Variants in ABCA7 observed in about 807,000 individuals in gnomAD.
ABCA7 encodes the protein ATP binding cassette subfamily A member 7.
A neutral mutation model predicts 227.6 loss-of-function variants in ABCA7; 261 were observed. The ratio of observed to expected loss-of-function variants is 1.15; its 90% CI spans 1.04 to 1.27. ABCA7 has a LOEUF of 1.27. Ranked by LOEUF, ABCA7 falls within the 50% of genes most tolerant of loss-of-function variation. The probability of loss-of-function intolerance (pLI) is 0.00; values close to 1 mark genes in which losing one functional copy is unlikely to be tolerated. For missense variants in ABCA7, 3,331 were observed against 2,924.5 expected (o/e 1.14, Z -3.21); for synonymous variants, 1,488 against 1,279.7 (o/e 1.16, Z -3.47).
intron 40 of ABCA7, among the ~76,000 whole-genome samples, chr19:1,061,076 C>T (rs561581862): frequency 2.7e-4 from 41 of 152,218 alleles, no homozygotes; most frequent in Non-Finnish European, 4.9e-4. Context: ...GCCCCACCCA[C>T]GGCCTTCCAT....
At chr19:1,060,650 G>C (rs947106575) in intron 40 of ABCA7, among the ~76,000 whole-genome samples, 1 of 151,796 alleles carries the variant, frequency 6.6e-6, no homozygotes, top group Non-Finnish European at 1.5e-5. Context: ...CTCCTGAGTA[G>C]CTGGGATTAC....
In ABCA7 at chr19:1,047,019, C is replaced by G. The variant is rs757247645; in HGVS notation, c.1840C>G (p.Leu614Val). Residue 614 changes from leucine (L) to valine (V), a missense_variant, in exon 14 of 47, where the codon CTC becomes GTC. Transcript: ENST00000263094. ...LLSAALLVLV[L>V]KLGDILPYSH... is the part of the protein sequence containing the mutation. Reference sequence around the variant, plus strand: ...CAGCGCCGCACTGCTGGTTCTGGTGCTCAAGGTGGGCGCGCCTCGGCCTGC... The same window carrying G: ...CAGCGCCGCACTGCTGGTTCTGGTGGTCAAGGTGGGCGCGCCTCGGCCTGC... 3.8e-6 allele frequency: 6 copies of G among 1,566,452 alleles called. No homozygotes were observed. In the Admixed American group the frequency reaches 7.6e-5, roughly 20 times the overall value.
In ABCA7 at chr19:1,057,107, T is replaced by G. The variant is rs771872392; in HGVS notation, c.4764+23T>G. ...ATGGTGCGGGGGCTGCTTGGACGGGTGGGGGCCCAGCCACTGCTTGCCACT... is the reference window on the plus strand; with the variant it reads ...ATGGTGCGGGGGCTGCTTGGACGGGGGGGGGCCCAGCCACTGCTTGCCACT... On this transcript the variant is annotated intron_variant, in intron 34 of 46. Transcript: ENST00000263094. 3.1e-6 allele frequency: 5 copies of G among 1,601,578 alleles called. No individual in the cohort carries two copies. In the African/African-American group the frequency reaches 4.0e-5, roughly 13 times the overall value.
intron 21 of ABCA7, 93 bp downstream of exon 21, chr19:1,051,679 T>G: frequency 7.7e-7 from 1 of 1,294,548 alleles, no homozygotes; most frequent in Non-Finnish European, 1.1e-6. Context: ...AGGAGTTTGC[T>G]ACATGTGGAC....
chr19:1,051,035 C>T lies in ABCA7; in HGVS notation c.2667C>T (p.Tyr889=). The change falls in exon 19 of 47, where the codon TAC becomes TAT. Residue 889 remains tyrosine (Y), a synonymous_variant. Transcript: ENST00000263094. ...IRPHLGVCPQ[Y]NVLFDMLTVD... is the part of the protein sequence containing the mutation. The stretch of plus-strand genomic sequence containing the variant: ...CCCACCTGGGCGTCTGTCCTCAGTA[C>T]AACGTGCTGTTTGACATGTGCGTCT... The T allele has an allele frequency of 2.5e-6, 4 of 1,611,664 alleles. No individual in the cohort carries two copies. The highest frequency in any genetic ancestry group is 3.4e-6 in the Non-Finnish European group (4 of 1,179,246).
Position 1,056,943 on chromosome 19 carries a change from T to C in ABCA7, c.4623T>C (p.Cys1541=). ...CGGTGGACGTCCTCGTCTCCATCTG[T>C]GTGGTCTTTGCCATGTCCTTTGTCC... ...ASSVDVLVSI[C]VVFAMSFVPA... The change falls in exon 34 of 47, where the codon TGT becomes TGC. Residue 1541 remains cysteine, a synonymous_variant. Transcript: ENST00000263094. The surrounding 1 kb of genome is among the most constrained non-coding windows in gnomAD (Gnocchi z 4.3). 1.2e-6 allele frequency: 2 copies of C among 1,614,040 alleles called. No individual in the cohort carries two copies. The highest frequency in any genetic ancestry group is 1.1e-5 in the South Asian group (1 of 91,090).
chr19:1,047,201 G>A lies in ABCA7; in HGVS notation c.1890G>A (p.Leu630=). The change falls in exon 15 of 47, where the codon CTG becomes CTA. Residue 630 remains leucine (L), a synonymous_variant. Coordinates refer to ENST00000263094, the MANE Select transcript of ABCA7 (RefSeq NM_019112.4). ...LPYSHPGVVF[L]FLAAFAVATV... ...ACAGCCACCCGGGCGTGGTCTTCCTGTTCTTGGCAGCCTTCGCGGTGGCCA... is the reference window on the plus strand; with the variant it reads ...ACAGCCACCCGGGCGTGGTCTTCCTATTCTTGGCAGCCTTCGCGGTGGCCA... The A allele has an allele frequency of 6.2e-7, 1 of 1,609,404 alleles. No homozygotes were observed. Among genetic ancestry groups the A allele is most frequent in the Non-Finnish European group, 8.5e-7 (1 of 1,179,558 alleles).
chr19:1,046,276 T>G lies in ABCA7; in HGVS notation c.1492T>G (p.Tyr498Asp), dbSNP rs759666661. Residue 498 changes from tyrosine to aspartate, a missense_variant, in exon 13 of 47, where the codon TAC (tyrosine) becomes GAC (aspartate). Physicochemically the swap from Tyr to Asp is radical, Grantham distance 160. Transcript: ENST00000263094. ...PAADPLTDLR[Y>D]VWGGFVYLQD... is the part of the protein sequence containing the mutation. ...CGCGGACCCCCTGACCGACCTGCGC[T>G]ACGTGTGGGGCGGCTTCGTGTACCT... The G allele has an allele frequency of 6.2e-7, 1 of 1,606,912 alleles. No homozygotes were observed. Among genetic ancestry groups the G allele is most frequent in the South Asian group, 1.1e-5 (1 of 91,072 alleles).
intron 40 of ABCA7, among the ~76,000 whole-genome samples, chr19:1,061,361 C>T (rs529686436): frequency 4.8e-4 from 65 of 135,084 alleles, no homozygotes; most frequent in Middle Eastern, 3.9e-3. Flanking sequence ...CGTGCCATTG[C>T]GCCGGGGTGA....
rs1453318687 is a variant in ABCA7, at chr19:1,065,318, G to A, written c.6334G>A (p.Glu2112Lys). 20 of 1,613,638 alleles carry A rather than the reference G, an allele frequency of 1.2e-5. No individual in the cohort carries two copies. The highest frequency in any genetic ancestry group is 1.1e-4 in the East Asian group (5 of 44,880). Reference sequence around the variant, plus strand: ...CCAGGGGAAGGACGAGGACACCGAAGAGCAGAAGGAGGCAGGAGTGGGAGT... The same window carrying A: ...CCAGGGGAAGGACGAGGACACCGAAAAGCAGAAGGAGGCAGGAGTGGGAGT... ...KDQGKDEDTE[E>K]QKEAGVGVDP... Residue 2112 changes from glutamate (E) to lysine (K), a missense_variant, in exon 47 of 47, where the codon GAG becomes AAG. Coordinates refer to ENST00000263094, the MANE Select transcript of ABCA7 (RefSeq NM_019112.4).
At chr19:1,047,748 G>C (rs1007405524) in intron 16 of ABCA7, 94 bp downstream of exon 16, 23 of 1,363,322 alleles carry the variant, frequency 1.7e-5, no homozygotes, top group African/African-American at 1.5e-5. Flanking sequence ...TGGGGGTGGG[G>C]GGTGGCTTAT....
Position 1,056,647 on chromosome 19 carries a change from GC to G in ABCA7, c.4586+150del. On this transcript the variant is annotated intron_variant, in intron 33 of 46. Transcript: ENST00000263094. The surrounding 1 kb of genome is among the most constrained non-coding windows in gnomAD (Gnocchi z 4.3). ...TAGAAACTGTTCCTCTGCTCCCTAA[GC>G]CAGGGAAATGGGACCTCCTCAGACT... 1 of 1,203,220 alleles carries G rather than the reference GC, an allele frequency of 8.3e-7. No homozygotes were observed. The allele number at this position is 1,203,220 out of a possible 1,614,324, so 74.5% of individuals were successfully genotyped here.
At position 1,051,235 on chromosome 19, in the gene ABCA7, G is replaced by C; in HGVS notation, c.2765G>C (p.Arg922Pro). Reference sequence around the variant, plus strand: ...GCTGTAGTGGGCCCCGAGCAGGACCGTCTGCTGCAGGATGTGGGGCTGGTC... The same window carrying C: ...GCTGTAGTGGGCCCCGAGCAGGACCCTCTGCTGCAGGATGTGGGGCTGGTC... ...SAAVVGPEQD[R>P]LLQDVGLVSK... Residue 922 changes from arginine (R) to proline (P), a missense_variant, in exon 20 of 47, where the codon CGT (arginine) becomes CCT (proline). Physicochemically the swap from Arg to Pro is moderately radical, Grantham distance 103 (BLOSUM62 -2). Coordinates refer to ENST00000263094, the MANE Select transcript of ABCA7 (RefSeq NM_019112.4). 1.9e-6 allele frequency: 3 copies of C among 1,610,246 alleles called. No individual in the cohort carries two copies. Among genetic ancestry groups the C allele is most frequent in the Non-Finnish European group, 2.5e-6 (3 of 1,179,488 alleles).
At position 1,042,101 on chromosome 19, in the gene ABCA7, G is replaced by A; in HGVS notation, c.340G>A (p.Gly114Arg). 6.3e-7 allele frequency: 1 copy of A among 1,598,518 alleles called. No individual in the cohort carries two copies. ...RLLADARTVL[G>R]GASAHRTLAG... ...GCTAGCCGATGCCCGCACTGTGCTG[G>A]GAGGGGCCAGTGCCCACAGGACGCT... The change falls in exon 5 of 47, where the codon GGA becomes AGA. Residue 114 changes from glycine (G) to arginine (R), a missense_variant. Physicochemically the swap from Gly to Arg is moderately radical, Grantham distance 125 (BLOSUM62 -2). Transcript: ENST00000263094.
chr19:1,050,810 AATAATAAT>A (rs2041532457), intron 18 of ABCA7, 103 bp from the exon 19 acceptor site: 1 of 484,308 alleles, frequency 2.1e-6, no homozygotes. Flanking sequence ...TAATAATAAT[AATAATAAT>A]AAATAATTAA....
chr19:1,043,641 C>A, intron 9 of ABCA7, 84 bp from the exon 10 acceptor site: 1 of 1,532,284 alleles, frequency 6.5e-7, no homozygotes, highest in Non-Finnish European at 9.0e-7. Flanking sequence ...GAGGCACACG[C>A]AGGAGCAAGG....
At chr19:1,040,984 G>A (rs2039972947) in intron 1 of ABCA7, among the ~76,000 whole-genome samples, 1 of 152,154 alleles carries the variant, frequency 6.6e-6, no homozygotes, top group Admixed American at 6.5e-5. Context: ...GGACCTGGAA[G>A]AGGCTTCCAG....
rs932248776 is a variant in ABCA7 at position 1,055,185 on chromosome 19, T to C, written c.4039T>C (p.Cys1347Arg). Reference sequence around the variant, plus strand: ...AGAGTCTCCATCCCCAGCCTGCCAGTGTAGCCGGCCCGGTGCCCGGCGCCT... The same window carrying C: ...AGAGTCTCCATCCCCAGCCTGCCAGCGTAGCCGGCCCGGTGCCCGGCGCCT... ...TPESPSPACQ[C>R]SRPGARRLLP... is the part of the protein sequence containing the mutation. Residue 1347 changes from cysteine (C) to arginine (R), a missense_variant, in exon 30 of 47, where the codon TGT (cysteine) becomes CGT (arginine). Coordinates refer to ENST00000263094, the MANE Select transcript of ABCA7 (RefSeq NM_019112.4). 6.2e-7 allele frequency: 1 copy of C among 1,612,240 alleles called. No homozygotes were observed. The highest frequency in any genetic ancestry group is 1.3e-5 in the African/African-American group (1 of 74,888).
chr19:1,047,907 C>T (rs1317944981), intron 16 of ABCA7, among the ~76,000 whole-genome samples: 1 of 152,172 alleles, frequency 6.6e-6, no homozygotes, highest in African/African-American at 2.4e-5. Flanking sequence ...CTGGCACAGT[C>T]GCCGGGCGCT....
Sources: gnomAD v4.1 joint callset for allele counts (sites outside exome capture counted in the v4.1 genomes callset) on GRCh38, gnomAD v4.1.1 for gene constraint, Gnocchi (gnomAD v3.1) non-coding constraint, MANE v1.5 for transcripts, NCBI Gene and HGNC (gene_info 2026-07-23, HGNC 2026-07-21) for gene names.